The following TCF4 variants were observed in gnomAD, a reference collection of about 807,000 sequenced individuals.
TCF4 encodes transcription factor 4, also known as SL3-3 enhancer factor 2.
Under a neutral mutation model 82.1 loss-of-function variants are expected in TCF4, and 3 were observed. The ratio of observed to expected loss-of-function variants is 0.04; its 90% CI spans 0.02 to 0.09. TCF4 has a LOEUF of 0.09. Among genes scored for constraint, TCF4 ranks in the 10% least tolerant of loss-of-function variants. TCF4 has a pLI of 1.00. For missense variants in TCF4, 518 were observed against 852.7 expected (o/e 0.61, Z 4.89); for synonymous variants, 276 against 309.6 (o/e 0.89, Z 1.14).
chr18:55,402,289 A>G (rs555187037), intron 6 of TCF4: 1 of 936,612 alleles, frequency 1.1e-6, no homozygotes, highest in Non-Finnish European at 1.3e-6. Flanking sequence ...CCAACCCACC[A>G]GAAGTCGTAC....
At chr18:55,365,191 A>ATATATATATATATATATATATATG (rs1361444592) in intron 6 of TCF4, among the ~76,000 whole-genome samples, 2 of 97,944 alleles carry the variant, frequency 2.0e-5, no homozygotes, top group Non-Finnish European at 3.8e-5. Context: ...ATATATATAT[A>ATATATATATATATATATATATATG]TGTGTGTGTG....
intron 2 of TCF4, among the ~76,000 whole-genome samples, chr18:55,626,455 C>T (rs2097726610): frequency 6.6e-6 from 1 of 152,202 alleles, no homozygotes; most frequent in Non-Finnish European, 1.5e-5. Flanking sequence ...AAGTTGAGGA[C>T]ATCACAGGTG....
intron 3 of TCF4, among the ~76,000 whole-genome samples, chr18:55,545,610 G>T (rs528540569): frequency 6.6e-6 from 1 of 152,136 alleles, no homozygotes; most frequent in East Asian, 1.9e-4. Flanking sequence ...CACCACACCT[G>T]GCTAATTTTT....
At chr18:55,436,248 G>A (rs977120911) in intron 5 of TCF4, among the ~76,000 whole-genome samples, 1 of 152,032 alleles carries the variant, frequency 6.6e-6, no homozygotes, top group African/African-American at 2.4e-5. Context: ...AAAAGTTCCT[G>A]GGTAAAGAAA....
chr18:55,553,967 A>G (rs2097281963), intron 3 of TCF4, among the ~76,000 whole-genome samples: 1 of 152,214 alleles, frequency 6.6e-6, no homozygotes, highest in African/African-American at 2.4e-5. Flanking sequence ...GCATATTGCA[A>G]TCATATTCAT....
intron 2 of TCF4, among the ~76,000 whole-genome samples, chr18:55,609,306 T>G (rs2097704992): frequency 6.6e-6 from 1 of 152,156 alleles, no homozygotes; most frequent in Non-Finnish European, 1.5e-5. Flanking sequence ...CCACTGCTGC[T>G]GGGAAGACTC....
chr18:55,429,500 C>G (rs1057042330), intron 5 of TCF4, among the ~76,000 whole-genome samples: 1 of 152,162 alleles, frequency 6.6e-6, no homozygotes, highest in Non-Finnish European at 1.5e-5. Context: ...CGATGGCTCA[C>G]GCCTGTAATC....
At chr18:55,355,486 G>C (rs1000095655) in intron 6 of TCF4, among the ~76,000 whole-genome samples, 1 of 151,642 alleles carries the variant, frequency 6.6e-6, no homozygotes, top group South Asian at 2.1e-4. Context: ...AGTAGCAGGA[G>C]GGGGGCGATA....
exon 1 of TCF4, chr18:55,635,746 C>A: frequency 6.4e-7 from 1 of 1,550,588 alleles, no homozygotes; most frequent in Non-Finnish European, 8.7e-7. Flanking sequence ...GTTCTCAACC[C>A]AAGTGCATGT....
chr18:55,490,153 C>A (rs1426287553), intron 3 of TCF4, among the ~76,000 whole-genome samples: 1 of 151,998 alleles, frequency 6.6e-6, no homozygotes, highest in East Asian at 1.9e-4. Flanking sequence ...AAGGAAATAC[C>A]AAGAAATTAA....
intron 3 of TCF4, among the ~76,000 whole-genome samples, chr18:55,537,831 C>T (rs1211577443): frequency 6.6e-6 from 1 of 152,034 alleles, no homozygotes; most frequent in African/African-American, 2.4e-5. Context: ...TAAGCCCCTC[C>T]TATATAAAGA....
At chr18:55,388,242 T>C (rs1033065559) in intron 6 of TCF4, among the ~76,000 whole-genome samples, 5 of 152,192 alleles carry the variant, frequency 3.3e-5, no homozygotes, top group African/African-American at 7.2e-5. Flanking sequence ...CTCTGCCAAG[T>C]TGTACCAGGG....
chr18:55,261,433 T>C, intron 12 of TCF4, 33 bp downstream of exon 12: 1 of 1,609,952 alleles, frequency 6.2e-7, no homozygotes, highest in South Asian at 1.1e-5. Context: ...TTTACAATGG[T>C]ACATATGGAG....
chr18:55,273,406 A>G (rs2060806945), intron 10 of TCF4, among the ~76,000 whole-genome samples: 3 of 152,172 alleles, frequency 2.0e-5, no homozygotes, highest in Admixed American at 6.6e-5. Flanking sequence ...GGGGCTAGCC[A>G]GATGCTAAGA....
chr18:55,274,392 T>C (rs1052997955), intron 10 of TCF4, among the ~76,000 whole-genome samples: 4 of 152,184 alleles, frequency 2.6e-5, no homozygotes, highest in Non-Finnish European at 5.9e-5. Context: ...CTCTCAGGAA[T>C]GTATAGGCTA....
chr18:55,230,930 A>C (rs571664237), intron 17 of TCF4: 1 of 152,440 alleles, frequency 6.6e-6, no homozygotes, highest in Admixed American at 6.5e-5. Flanking sequence ...AGGGGCAAGG[A>C]GGATGACACC....
intron 6 of TCF4, among the ~76,000 whole-genome samples, chr18:55,377,135 T>A (rs1327389349): frequency 1.3e-5 from 2 of 152,210 alleles, no homozygotes; most frequent in African/African-American, 2.4e-5. Context: ...TCCATCAACA[T>A]GTTATGACTG....
Position 55,414,390 on chromosome 18 carries a change from G to A in TCF4, c.305-10872C>T, listed in dbSNP as rs183359826. On this transcript the variant is annotated intron_variant, in intron 5 of 19. Coordinates refer to ENST00000354452, the MANE Select transcript of TCF4 (RefSeq NM_001083962.2). ...GCTCTAAGTTCTTTGATCACTCCAC[G>A]GTTGGTTTGGAAGTTTTTATGGCTT... Among the ~76,000 whole-genome samples, 62 of 151,770 alleles carry A rather than the reference G, an allele frequency of 4.1e-4. No homozygotes were observed. The East Asian group carries it at 0.011, about 27-fold the overall frequency.
intron 3 of TCF4, among the ~76,000 whole-genome samples, chr18:55,470,306 C>A (rs1469389642): frequency 3.3e-5 from 5 of 152,172 alleles, no homozygotes; most frequent in Non-Finnish European, 5.9e-5. Flanking sequence ...ATTTTTATGA[C>A]TCCTTGTTCT....
Sources: gnomAD v4.1 joint callset for allele counts (sites outside exome capture counted in the v4.1 genomes callset) on GRCh38, gnomAD v4.1.1 for gene constraint, MANE v1.5 for transcripts, NCBI Gene and HGNC (gene_info 2026-07-23, HGNC 2026-07-21) for gene names.